CFAP299: variants seen among roughly 807,000 people sequenced by gnomAD.
CFAP299 encodes the protein cilia and flagella associated protein 299.
A neutral mutation model predicts 27.0 loss-of-function variants in CFAP299; 21 were observed. The ratio of observed to expected loss-of-function variants is 0.78; its 90% CI spans 0.55 to 1.12. CFAP299 has a LOEUF of 1.12. Among genes scored for constraint, CFAP299 ranks in the 50% most tolerant of loss-of-function variants. CFAP299 has a pLI of 0.00. For synonymous variants in CFAP299, 104 were observed against 98.1 expected, an observed-to-expected ratio of 1.06 and a Z score of -0.36; for missense variants, 310 against 276.6, an observed-to-expected ratio of 1.12 and a Z score of -0.86.
chr4:80,443,797 A>G (rs1453349047), intron 2 of CFAP299, among the ~76,000 whole-genome samples: 2 of 152,224 alleles, frequency 1.3e-5, no homozygotes, highest in African/African-American at 4.8e-5. Flanking sequence ...ATCTCAGCCC[A>G]AAATTTCTTT....
At chr4:80,640,695 T>C (rs963484561) in intron 3 of CFAP299, among the ~76,000 whole-genome samples, 3 of 152,228 alleles carry the variant, frequency 2.0e-5, no homozygotes, top group Non-Finnish European at 2.9e-5. Context: ...TGTATTTGCT[T>C]ACATGTAGTC....
intron 2 of CFAP299, among the ~76,000 whole-genome samples, chr4:80,377,315 G>C (rs1724467213): frequency 6.6e-6 from 1 of 151,838 alleles, no homozygotes; most frequent in African/African-American, 2.4e-5. Context: ...TTAGGTAAGA[G>C]GCTTTTTATT....
chr4:80,567,101 T>C (rs1325023735), intron 2 of CFAP299, among the ~76,000 whole-genome samples: 1 of 152,086 alleles, frequency 6.6e-6, no homozygotes, highest in Non-Finnish European at 1.5e-5. Flanking sequence ...GACTCCCACT[T>C]GGATCTTCCT....
intron 3 of CFAP299, among the ~76,000 whole-genome samples, chr4:80,652,868 G>A (rs1448743947): frequency 1.3e-5 from 2 of 152,042 alleles, no homozygotes; most frequent in African/African-American, 2.4e-5. Context: ...AATCCGACTC[G>A]CCTCCAATGC....
At chr4:80,557,712 G>A (rs1182518212) in intron 2 of CFAP299, among the ~76,000 whole-genome samples, 3 of 152,044 alleles carry the variant, frequency 2.0e-5, no homozygotes, top group Non-Finnish European at 1.5e-5. Context: ...TTAAAAAATA[G>A]TTAATGCAAA....
At chr4:80,463,225 G>A (rs970311667) in intron 2 of CFAP299, among the ~76,000 whole-genome samples, 6 of 151,806 alleles carry the variant, frequency 4.0e-5, no homozygotes, top group Non-Finnish European at 7.4e-5. Flanking sequence ...GGAAACATCA[G>A]CCTAAACACT....
intron 2 of CFAP299, among the ~76,000 whole-genome samples, chr4:80,448,510 A>G (rs1029265846): frequency 5.3e-5 from 8 of 152,176 alleles, no homozygotes; most frequent in Non-Finnish European, 1.0e-4. Flanking sequence ...GATATTGAAA[A>G]TGCCACCAGC....
At chr4:80,782,305 T>A (rs1578118513) in intron 3 of CFAP299, among the ~76,000 whole-genome samples, 1 of 151,924 alleles carries the variant, frequency 6.6e-6, no homozygotes, top group East Asian at 1.9e-4. Flanking sequence ...AGCCCATGGA[T>A]GGAAAGAGAT....
At chr4:80,784,364 C>A (rs183134557) in intron 3 of CFAP299, among the ~76,000 whole-genome samples, 501 of 152,264 alleles carry the variant, frequency 3.3e-3, no homozygotes, top group Middle Eastern at 6.8e-3. Context: ...CACTTGTGAT[C>A]TGTCTTTTGA....
At chr4:80,332,922 A>G (rs1721991940), upstream of CFAP299, among the ~76,000 whole-genome samples, 1 of 152,184 alleles carries the variant, frequency 6.6e-6, no homozygotes, top group Non-Finnish European at 1.5e-5. Flanking sequence ...AATGCCTTAT[A>G]GAGCCACAGA....
chr4:80,936,976 G>C (rs1736920460), intron 4 of CFAP299, among the ~76,000 whole-genome samples: 1 of 151,936 alleles, frequency 6.6e-6, no homozygotes, highest in Admixed American at 6.6e-5. Flanking sequence ...TTGTACTATA[G>C]TGTTCTTCAA....
chr4:80,446,637 A>G (rs185994316), intron 2 of CFAP299, among the ~76,000 whole-genome samples: 3 of 152,098 alleles, frequency 2.0e-5, no homozygotes, highest in African/African-American at 7.2e-5. Flanking sequence ...GCTGTCTTCT[A>G]TCCATTACTT....
At chr4:80,914,604 G>A (rs1274034819) in intron 4 of CFAP299, among the ~76,000 whole-genome samples, 1 of 152,126 alleles carries the variant, frequency 6.6e-6, no homozygotes, top group East Asian at 1.9e-4. Flanking sequence ...CATCATTGTG[G>A]TTTTAATTTA....
chr4:80,844,423 C>A (rs1731047719), intron 3 of CFAP299, among the ~76,000 whole-genome samples: 1 of 152,106 alleles, frequency 6.6e-6, no homozygotes. Context: ...CTGTTGTTTC[C>A]TGACTTTTTA....
At chr4:80,383,121 G>A (rs1428328400) in intron 2 of CFAP299, among the ~76,000 whole-genome samples, 1 of 152,058 alleles carries the variant, frequency 6.6e-6, no homozygotes, top group East Asian at 1.9e-4. Context: ...ATAAGTGGGG[G>A]CTAAATGATC....
At chr4:80,344,622 G>A (rs1437649559) in intron 1 of CFAP299, among the ~76,000 whole-genome samples, 3 of 152,084 alleles carry the variant, frequency 2.0e-5, no homozygotes, top group African/African-American at 7.2e-5. Context: ...AATTGAAAAA[G>A]GGGAACTCCT....
Position 80,888,719 on chromosome 4 carries a change from G to A in CFAP299, c.476+18584G>A, listed in dbSNP as rs7693967. On this transcript the variant is annotated intron_variant, in intron 4 of 5. Coordinates refer to ENST00000358105, the MANE Select transcript of CFAP299 (RefSeq NM_152770.3). Reference sequence around the variant, plus strand: ...TTCTCAAGAATAGACCATATGTTAGGTCACAAAACAAGTATTTAAATTTTC... The same window carrying A: ...TTCTCAAGAATAGACCATATGTTAGATCACAAAACAAGTATTTAAATTTTC... 7.8e-3 allele frequency among the ~76,000 whole-genome samples: 1,188 copies of A among 151,580 alleles called. 7 individuals carry two copies. Among genetic ancestry groups the A allele is most frequent in the Non-Finnish European group, 0.013 (907 of 67,784 alleles).
At position 80,375,441 on chromosome 4, in the gene CFAP299, G is replaced by A. The variant is rs146518601; in HGVS notation, c.242+12557G>A. On this transcript the variant is annotated intron_variant, in intron 2 of 5. Transcript: ENST00000358105. ...ACAACTGGACCATACCTTGTGTTGG[G>A]CCTGTCTGCACATGACTTCATTCCA... 3.6e-3 allele frequency among the ~76,000 whole-genome samples: 548 copies of A among 152,188 alleles called. 4 individuals carry two copies. The highest frequency in any genetic ancestry group is 0.012 in the African/African-American group (515 of 41,516).
At chr4:80,470,187 C>T (rs1729924414) in intron 2 of CFAP299, among the ~76,000 whole-genome samples, 1 of 152,018 alleles carries the variant, frequency 6.6e-6, no homozygotes. Context: ...GGACATGTTA[C>T]TAAATGTCTT....
Sources: allele counts gnomAD v4.1 joint callset (sites outside exome capture counted in the v4.1 genomes callset), GRCh38; gene constraint gnomAD v4.1.1; transcripts MANE v1.5; gene names NCBI Gene and HGNC (gene_info 2026-07-23, HGNC 2026-07-21).